ANO2: variants seen among roughly 807,000 people sequenced by gnomAD.
The protein encoded by ANO2 is anoctamin 2.
ANO2 carries 101 observed loss-of-function variants against 124.2 expected under a neutral mutation model. The observed-to-expected ratio is 0.81, with a 90% CI of 0.69 to 0.96. ANO2 has a LOEUF of 0.96. Among genes scored for constraint, ANO2 ranks in the 40% least tolerant of loss-of-function variants. The pLI, the probability that ANO2 is intolerant of heterozygous loss-of-function variation, is 0.00. For synonymous variants in ANO2, 486 were observed against 482.5 expected (o/e 1.01, Z -0.09); for missense variants, 1,293 against 1,274.5 (o/e 1.01, Z -0.22).
chr12:5,946,195 G>C, upstream of ANO2: 2 of 1,613,208 alleles, frequency 1.2e-6, no homozygotes, highest in Non-Finnish European at 1.7e-6. This position sits in a 1 kb window ranked among gnomAD's most constrained non-coding sequence, Gnocchi z 4.1. Flanking sequence ...AAGGTAGGCT[G>C]GTCATGATAG....
chr12:5,913,087 AGCCT>A (rs1941153326), intron 3 of ANO2, among the ~76,000 whole-genome samples: 1 of 152,194 alleles, frequency 6.6e-6, no homozygotes, highest in Non-Finnish European at 1.5e-5. Flanking sequence ...CAGCACCAGC[AGCCT>A]GCCCTCTGTG....
intron 3 of ANO2, among the ~76,000 whole-genome samples, chr12:5,899,025 G>A: frequency 6.6e-6 from 1 of 152,166 alleles, no homozygotes; most frequent in Admixed American, 6.5e-5. Flanking sequence ...AAACCAAGCT[G>A]CAGCCCAAGA....
intron 14 of ANO2, among the ~76,000 whole-genome samples, chr12:5,661,024 C>T (rs251784): frequency 0.38 from 57,040 of 152,050 alleles, 11,483 homozygotes; most frequent in African/African-American, 0.48. Context: ...AATTGCGTGG[C>T]CCACAGACCT....
intron 19 of ANO2, among the ~76,000 whole-genome samples, chr12:5,612,152 C>T (rs557533956): frequency 3.9e-5 from 6 of 152,246 alleles, no homozygotes; most frequent in African/African-American, 1.2e-4. Context: ...GAAAGAAGTC[C>T]TATGACATTT....
At chr12:5,844,642 G>A (rs1258182886) in intron 4 of ANO2, among the ~76,000 whole-genome samples, 2 of 152,072 alleles carry the variant, frequency 1.3e-5, no homozygotes, top group South Asian at 2.1e-4. Flanking sequence ...CCAGGAATGT[G>A]GAATAACTCA....
intron 16 of ANO2, among the ~76,000 whole-genome samples, 163 bp downstream of exon 16, chr12:5,634,989 C>T (rs1478479391): frequency 6.6e-6 from 1 of 152,192 alleles, no homozygotes; most frequent in Non-Finnish European, 1.5e-5. Flanking sequence ...CCTTTGACAG[C>T]CCTACAAATA....
chr12:5,845,521 C>T (rs554438326), intron 4 of ANO2, among the ~76,000 whole-genome samples: 107 of 141,810 alleles, frequency 7.5e-4, no homozygotes, highest in African/African-American at 2.7e-3. Context: ...GAGCCGAGAT[C>T]GCTCCACTGC....
rs775955773 is a variant in ANO2 at position 5,908,042 on chromosome 12, C to G, written c.534+12998G>C. 2.8e-4 allele frequency among the ~76,000 whole-genome samples: 42 copies of G among 152,262 alleles called. 2 individuals carry two copies. The highest frequency in any genetic ancestry group is 2.0e-4 in the Admixed American group (3 of 15,286). On this transcript the variant is annotated intron_variant, in intron 3 of 24. Transcript: ENST00000682330. The surrounding 1 kb of genome is among the most constrained non-coding windows in gnomAD (Gnocchi z 4.7). ...AGCAGTACATAGCAACACACACAAA[C>G]TCGTAACCACGCACGGGCAGCGTGT...
chr12:5,817,111 G>C (rs917778203), intron 7 of ANO2, among the ~76,000 whole-genome samples: 1 of 152,146 alleles, frequency 6.6e-6, no homozygotes, highest in Non-Finnish European at 1.5e-5. Flanking sequence ...AAAGCAGAGG[G>C]CGTCTAGTCT....
intron 14 of ANO2, among the ~76,000 whole-genome samples, chr12:5,694,394 T>C (rs545485569): frequency 6.6e-6 from 1 of 151,858 alleles, no homozygotes; most frequent in South Asian, 2.1e-4. Context: ...TGGGTCCTCT[T>C]TGGGGAAGGA....
At chr12:5,571,743 C>A (rs979954658) in intron 23 of ANO2, among the ~76,000 whole-genome samples, 1 of 151,898 alleles carries the variant, frequency 6.6e-6, no homozygotes, top group Non-Finnish European at 1.5e-5. Flanking sequence ...TATATGTATA[C>A]GGAATTATCT....
intron 9 of ANO2, among the ~76,000 whole-genome samples, chr12:5,800,058 G>T (rs774491144): frequency 4.6e-5 from 7 of 152,224 alleles, no homozygotes; most frequent in Non-Finnish European, 8.8e-5. Context: ...AGAATGTGAA[G>T]GAAGGGAGAG....
rs769991605 is a variant in ANO2 at position 5,578,121 on chromosome 12, C to G, written c.2387-114G>C. 20 of 1,365,000 alleles carry G rather than the reference C, an allele frequency of 1.5e-5. No individual in the cohort carries two copies. The African/African-American group carries it at 2.2e-4, about 15-fold the overall frequency. 84.6% of individuals were successfully genotyped at this position (1,365,000 alleles called of 1,614,324 possible). ...GAACTACGGAGCAGCTTTGCTGGGCCCCCCCAGAATGGGCTTGTCTGGAAA... is the reference window on the plus strand; with the variant it reads ...GAACTACGGAGCAGCTTTGCTGGGCGCCCCCAGAATGGGCTTGTCTGGAAA... On this transcript the variant is annotated intron_variant, in intron 21 of 24. Transcript: ENST00000682330.
chr12:5,615,291 G>T lies in ANO2; in HGVS notation c.1823C>A (p.Pro608Gln). 1 of 1,612,060 alleles carries T rather than the reference G, an allele frequency of 6.2e-7. No homozygotes were observed. The highest frequency in any genetic ancestry group is 8.5e-7 in the Non-Finnish European group (1 of 1,179,012). Residue 608 changes from proline to glutamine, a missense_variant, in exon 17 of 25, where the codon CCG becomes CAG. Physicochemically the swap from Pro to Gln is moderately conservative, Grantham distance 76. Transcript: ENST00000682330. ...CTCTTCAAAAGTCTGTTCTGTTTTC[G>T]GAACCTCTGTAAGAGAAGAGCGAGG... ...VAKWLTKIEV[P>Q]KTEQTFEERL...
chr12:5,700,457 T>C (rs1281318370), intron 14 of ANO2, among the ~76,000 whole-genome samples: 1 of 152,146 alleles, frequency 6.6e-6, no homozygotes, highest in Non-Finnish European at 1.5e-5. Context: ...AAAGGGAAAT[T>C]TATAGCACTA....
In ANO2 at chr12:5,563,577, A is replaced by T. The variant is rs200912800; in HGVS notation, c.2728-9T>A. ...AGGAACATCACGAGGTTCTGCAAAA[A>T]GCCAAGGAGAGAGGGGCTGAGTTGG... is the stretch of plus-strand genomic sequence containing the variant. On this transcript the variant is annotated splice_polypyrimidine_tract_variant and intron_variant, in intron 24 of 24. Coordinates refer to ENST00000682330, the MANE Select transcript of ANO2 (RefSeq NM_001364791.2). 6.2e-7 allele frequency: 1 copy of T among 1,613,166 alleles called. No individual in the cohort carries two copies. Among genetic ancestry groups the T allele is most frequent in the South Asian group, 1.1e-5 (1 of 91,072 alleles).
At chr12:5,616,572 G>A (rs1944820158) in intron 16 of ANO2, among the ~76,000 whole-genome samples, 1 of 152,172 alleles carries the variant, frequency 6.6e-6, no homozygotes, top group Non-Finnish European at 1.5e-5. Flanking sequence ...AAGAAGCACA[G>A]CCTGAAAGTG....
intron 10 of ANO2, among the ~76,000 whole-genome samples, chr12:5,796,482 ACTC>A (rs1267674152): frequency 6.7e-5 from 10 of 148,598 alleles, no homozygotes; most frequent in African/African-American, 2.6e-4. Flanking sequence ...ACACACACAA[ACTC>A]ACAACACACA....
chr12:5,775,089 G>A (rs1261793074), intron 10 of ANO2, among the ~76,000 whole-genome samples: 1 of 152,126 alleles, frequency 6.6e-6, no homozygotes, highest in East Asian at 1.9e-4. Flanking sequence ...CCTTGCCCAA[G>A]GTCACACATG....
Sources: allele counts gnomAD v4.1 joint callset (sites outside exome capture counted in the v4.1 genomes callset), GRCh38; gene constraint gnomAD v4.1.1; non-coding constraint Gnocchi (gnomAD v3.1); transcripts MANE v1.5; gene names NCBI Gene and HGNC (gene_info 2026-07-23, HGNC 2026-07-21).